The following POU6F2 variants were observed in gnomAD, a reference collection of about 807,000 sequenced individuals.
The protein encoded by POU6F2 is POU class 6 homeobox 2, also known as POU domain, class 6, transcription factor 2.
In POU6F2, 31 loss-of-function variants were observed where a neutral mutation model predicts 71.3. The ratio of observed to expected loss-of-function variants is 0.43; its 90% CI spans 0.33 to 0.59. The LOEUF (loss-of-function observed/expected upper bound fraction) is 0.59. Among genes scored for constraint, POU6F2 ranks in the 20% least tolerant of loss-of-function variants. The probability of loss-of-function intolerance (pLI) is 0.04; values close to 1 mark genes in which losing one functional copy is unlikely to be tolerated. For missense variants in POU6F2, 783 were observed against 856.8 expected (o/e 0.91, Z 1.07); for synonymous variants, 347 against 355.7 (o/e 0.98, Z 0.27).
chr7:39,181,126 C>T (rs1793426275), intron 2 of POU6F2, among the ~76,000 whole-genome samples: 2 of 152,324 alleles, frequency 1.3e-5, no homozygotes, highest in South Asian at 4.1e-4. Context: ...ACATGGCTCT[C>T]TGCAGTTCTT....
chr7:39,227,235 T>A (rs1327832673), intron 4 of POU6F2, among the ~76,000 whole-genome samples: 1 of 152,206 alleles, frequency 6.6e-6, no homozygotes, highest in Non-Finnish European at 1.5e-5. Flanking sequence ...AAATCTTACT[T>A]TTAGGATAGA....
At chr7:39,058,520 G>C (rs1359150899) in intron 1 of POU6F2, among the ~76,000 whole-genome samples, 1 of 152,136 alleles carries the variant, frequency 6.6e-6, no homozygotes, top group East Asian at 1.9e-4. Context: ...ATTTCCGCTA[G>C]AATTTGGGAA....
chr7:39,431,449 AC>A (rs1457300750), intron 6 of POU6F2, among the ~76,000 whole-genome samples: 1 of 152,206 alleles, frequency 6.6e-6, no homozygotes, highest in Non-Finnish European at 1.5e-5. Context: ...AAAAACATTT[AC>A]TGAGAAACTA....
At chr7:39,002,248 C>T (rs537630543) in intron 1 of POU6F2, among the ~76,000 whole-genome samples, 3 of 152,162 alleles carry the variant, frequency 2.0e-5, no homozygotes, top group Non-Finnish European at 4.4e-5. Context: ...TACTATTACT[C>T]TGCTCTTCCT....
chr7:39,234,982 C>T lies in POU6F2; in HGVS notation c.598+27362C>T, dbSNP rs549439415. Among the ~76,000 whole-genome samples the T allele has an allele frequency of 1.6e-4, 25 of 152,310 alleles. 1 individual carries two copies. The highest frequency in any genetic ancestry group is 1.6e-3 in the Admixed American group (24 of 15,292). ...AGCCATTTCTTTCACTCTAATGCAACAGAACAAGTGCCTTCCCACTTTCAG... is the reference window on the plus strand; with the variant it reads ...AGCCATTTCTTTCACTCTAATGCAATAGAACAAGTGCCTTCCCACTTTCAG... On this transcript the variant is annotated intron_variant, in intron 4 of 9. Transcript: ENST00000518318.
At chr7:39,420,462 T>C (rs1278375289) in intron 6 of POU6F2, among the ~76,000 whole-genome samples, 1 of 152,206 alleles carries the variant, frequency 6.6e-6, no homozygotes, top group Non-Finnish European at 1.5e-5. Context: ...TAGGCTCACA[T>C]GGAGATAAGG....
At chr7:39,445,702 G>C (rs1788508113) in intron 7 of POU6F2, among the ~76,000 whole-genome samples, 1 of 152,188 alleles carries the variant, frequency 6.6e-6, no homozygotes, top group Non-Finnish European at 1.5e-5. Flanking sequence ...TCATCCTGAT[G>C]TCAACAATAA....
chr7:39,034,903 A>G (rs868503352), intron 1 of POU6F2, among the ~76,000 whole-genome samples: 3 of 152,088 alleles, frequency 2.0e-5, no homozygotes, highest in Admixed American at 6.5e-5. Flanking sequence ...TAATGAATCA[A>G]AAGTAAGGAA....
intron 4 of POU6F2, among the ~76,000 whole-genome samples, chr7:39,280,686 G>A (rs1784547316): frequency 6.6e-6 from 1 of 152,162 alleles, no homozygotes; most frequent in Admixed American, 6.5e-5. Context: ...CTCTATAATT[G>A]AACAGCATAA....
chr7:39,109,765 A>C (rs374625184), intron 2 of POU6F2, among the ~76,000 whole-genome samples: 14 of 152,310 alleles, frequency 9.2e-5, no homozygotes, highest in African/African-American at 3.1e-4. Context: ...ATTGGCTTTA[A>C]ATTTAGAGTG....
At chr7:39,317,800 A>G (rs1337569412) in intron 4 of POU6F2, among the ~76,000 whole-genome samples, 1 of 152,228 alleles carries the variant, frequency 6.6e-6, no homozygotes, top group African/African-American at 2.4e-5. Context: ...TGAGCAAATC[A>G]TTCAGGGTCT....
At chr7:39,443,952 A>G (rs899252530) in intron 7 of POU6F2, among the ~76,000 whole-genome samples, 36 of 152,354 alleles carry the variant, frequency 2.4e-4, no homozygotes, top group African/African-American at 8.4e-4. Context: ...TCCCTAACTC[A>G]TACTCAGAAG....
intron 4 of POU6F2, among the ~76,000 whole-genome samples, chr7:39,261,582 A>T (rs1415683458): frequency 6.6e-6 from 1 of 152,180 alleles, no homozygotes; most frequent in Non-Finnish European, 1.5e-5. Flanking sequence ...CAGATGAGAA[A>T]ACAGGCACAG....
At chr7:39,268,087 T>C (rs1018297407) in intron 4 of POU6F2, among the ~76,000 whole-genome samples, 2 of 152,168 alleles carry the variant, frequency 1.3e-5, no homozygotes, top group African/African-American at 2.4e-5. Flanking sequence ...TTGATGACTT[T>C]GTCAATTTCA....
chr7:39,198,083 A>G (rs1584596643), intron 2 of POU6F2, among the ~76,000 whole-genome samples: 1 of 152,370 alleles, frequency 6.6e-6, no homozygotes, highest in Middle Eastern at 3.4e-3. Flanking sequence ...CTCTCTGAGA[A>G]AAAGTATTTA....
intron 5 of POU6F2, among the ~76,000 whole-genome samples, chr7:39,386,278 C>A (rs1786942232): frequency 6.6e-6 from 1 of 152,044 alleles, no homozygotes; most frequent in Non-Finnish European, 1.5e-5. Flanking sequence ...GGGGTCAATC[C>A]CAAGGTCCCT....
At chr7:39,006,693 T>G in intron 1 of POU6F2, 1 of 720,030 alleles carries the variant, frequency 1.4e-6, no homozygotes, top group South Asian at 1.7e-5. Context: ...AGCATGTGTG[T>G]CATTTCAGCT....
chr7:39,189,561 G>C (rs1793617819), intron 2 of POU6F2, among the ~76,000 whole-genome samples: 1 of 150,464 alleles, frequency 6.6e-6, no homozygotes, highest in African/African-American at 2.4e-5. Flanking sequence ...ACCACGCCCA[G>C]CTAATTTTTA....
In POU6F2 at chr7:39,204,475, C is replaced by T. The variant is rs1222664116; in HGVS notation, c.369+149C>T. The T allele has an allele frequency of 7.0e-6, 4 of 571,786 alleles. No homozygotes were observed. In the East Asian group the frequency reaches 1.2e-4, roughly 17 times the overall value. The allele number at this position is 571,786 out of a possible 1,614,324, so 35.4% of individuals were successfully genotyped here. ...TTTCGTATGAAAAGCTGTATGACTA[C>T]ATTATTTATTAAATACCACCAAGAA... On this transcript the variant is annotated intron_variant, in intron 3 of 9. Transcript: ENST00000518318.
Sources: allele counts gnomAD v4.1 joint callset (sites outside exome capture counted in the v4.1 genomes callset), GRCh38; gene constraint gnomAD v4.1.1; transcripts MANE v1.5; gene names NCBI Gene and HGNC (gene_info 2026-07-23, HGNC 2026-07-21).